RBMS3: variants seen among roughly 807,000 people sequenced by gnomAD.
RBMS3 encodes the protein RNA binding motif single stranded interacting protein 3.
Under a neutral mutation model 66.8 loss-of-function variants are expected in RBMS3, and 27 were observed. That is an observed-to-expected ratio of 0.40 (90% CI 0.30 to 0.56). The LOEUF is 0.56. Ranked by LOEUF, RBMS3 falls within the 20% of genes least tolerant of loss-of-function variation. The pLI, the probability that RBMS3 is intolerant of heterozygous loss-of-function variation, is 0.40. For missense variants in RBMS3, 513 were observed against 549.5 expected (o/e 0.93, Z 0.66); for synonymous variants, 188 against 183.0 (o/e 1.03, Z -0.22).
intron 6 of RBMS3, among the ~76,000 whole-genome samples, chr3:29,819,193 G>A (rs1455308748): frequency 2.0e-5 from 3 of 151,932 alleles, no homozygotes; most frequent in Admixed American, 6.6e-5. Flanking sequence ...GCCCTTGCAG[G>A]TTGTTATTTC....
intron 3 of RBMS3, among the ~76,000 whole-genome samples, chr3:29,530,754 C>T (rs1041449018): frequency 6.6e-6 from 1 of 151,192 alleles, no homozygotes; most frequent in African/African-American, 2.4e-5. Flanking sequence ...TGCCTGTAAT[C>T]CCAGCTACTC....
At chr3:29,532,205 A>G (rs2045376424) in intron 3 of RBMS3, among the ~76,000 whole-genome samples, 1 of 147,844 alleles carries the variant, frequency 6.8e-6, no homozygotes, top group African/African-American at 2.5e-5. Flanking sequence ...TGATCTATGT[A>G]TATATGATCT....
intron 1 of RBMS3, among the ~76,000 whole-genome samples, chr3:29,307,597 T>A (rs1032622477): frequency 2.6e-5 from 4 of 151,858 alleles, no homozygotes; most frequent in Non-Finnish European, 5.9e-5. Context: ...CAGTGCAAGG[T>A]GAAAGCCTGA....
At position 29,710,349 on chromosome 3, in the gene RBMS3, T is replaced by A. The variant is rs560511825; in HGVS notation, c.400-29371T>A. On this transcript the variant is annotated intron_variant, in intron 4 of 14. Transcript: ENST00000383767. ...ATATCAGTAATAATCACAGCTAAACTTCATTGCATATATTCTCTGCTCAGG... is the reference window on the plus strand; with the variant it reads ...ATATCAGTAATAATCACAGCTAAACATCATTGCATATATTCTCTGCTCAGG... 5.3e-5 allele frequency among the ~76,000 whole-genome samples: 8 copies of A among 152,270 alleles called. No individual in the cohort carries two copies. In the East Asian group the frequency reaches 1.5e-3, roughly 29 times the overall value.
intron 6 of RBMS3, among the ~76,000 whole-genome samples, chr3:29,839,796 T>TA (rs1483133273): frequency 6.6e-6 from 1 of 151,802 alleles, no homozygotes; most frequent in African/African-American, 2.4e-5. Flanking sequence ...GCAAATATTA[T>TA]AAAATAGTTA....
chr3:29,489,844 A>ACCAGCCTGGCCAACATGGTGAAAC (rs2043465480), intron 3 of RBMS3, among the ~76,000 whole-genome samples: 2 of 151,742 alleles, frequency 1.3e-5, no homozygotes, highest in African/African-American at 4.8e-5. Flanking sequence ...GGACTTTGAG[A>ACCAGCCTGGCCAACATGGTGAAAC]CCAGCCTGGC....
intron 6 of RBMS3, among the ~76,000 whole-genome samples, chr3:29,823,357 T>C (rs866224253): frequency 1.3e-5 from 2 of 152,212 alleles, no homozygotes; most frequent in African/African-American, 4.8e-5. Context: ...CTTATTTCAC[T>C]CAGAAATATG....
At chr3:29,562,692 G>A (rs1413623908) in intron 3 of RBMS3, among the ~76,000 whole-genome samples, 1 of 152,128 alleles carries the variant, frequency 6.6e-6, no homozygotes, top group Non-Finnish European at 1.5e-5. Flanking sequence ...ATTGCCTTCA[G>A]GGAGGATCTG....
intron 9 of RBMS3, among the ~76,000 whole-genome samples, chr3:29,897,863 A>G (rs909054979): frequency 1.3e-5 from 2 of 151,646 alleles, no homozygotes; most frequent in Non-Finnish European, 3.0e-5. Flanking sequence ...AGGATATTTT[A>G]TCACTGTCAT....
chr3:29,681,087 G>A (rs2051466825), intron 4 of RBMS3, among the ~76,000 whole-genome samples: 1 of 152,118 alleles, frequency 6.6e-6, no homozygotes, highest in African/African-American at 2.4e-5. Flanking sequence ...AGCTGTGGGG[G>A]CTGACATGTT....
intron 3 of RBMS3, among the ~76,000 whole-genome samples, chr3:29,564,291 A>G (rs1374412069): frequency 1.3e-5 from 2 of 152,076 alleles, no homozygotes; most frequent in African/African-American, 4.8e-5. Flanking sequence ...AGCCTGACCA[A>G]CATAGTGAAA....
At chr3:29,834,766 A>C (rs2058463065) in intron 6 of RBMS3, among the ~76,000 whole-genome samples, 1 of 152,066 alleles carries the variant, frequency 6.6e-6, no homozygotes, top group Non-Finnish European at 1.5e-5. Flanking sequence ...ACAAAAGGGC[A>C]ATAGTAAGTC....
In RBMS3 at chr3:29,358,807, A is replaced by G. The variant is rs1012256965; in HGVS notation, c.76-75936A>G. On this transcript the variant is annotated intron_variant, in intron 1 of 14. Transcript: ENST00000383767. ...CTAGGTATTTTATTCTCTTTGAAGCAATTGTGAATGGGAGTTCACTCATGA... is the reference window on the plus strand; with the variant it reads ...CTAGGTATTTTATTCTCTTTGAAGCGATTGTGAATGGGAGTTCACTCATGA... Among the ~76,000 whole-genome samples the G allele has an allele frequency of 4.5e-4, 69 of 152,118 alleles. 1 individual carries two copies. Among genetic ancestry groups the G allele is most frequent in the Non-Finnish European group, 3.8e-4 (26 of 68,020 alleles).
intron 1 of RBMS3, among the ~76,000 whole-genome samples, chr3:29,407,470 T>C (rs1285362205): frequency 6.6e-6 from 1 of 152,206 alleles, no homozygotes; most frequent in African/African-American, 2.4e-5. Flanking sequence ...TTGGTTAAAA[T>C]ATACATAGTC....
In RBMS3 at chr3:29,885,047, T is replaced by C. The variant is rs554379852; in HGVS notation, c.791+839T>C. On this transcript the variant is annotated intron_variant, in intron 8 of 14. Coordinates refer to ENST00000383767, the MANE Select transcript of RBMS3 (RefSeq NM_001003793.3). Reference sequence around the variant, plus strand: ...TTGCCTCTAAAGAAAATCTGTGGGATATTGAAAGTATTTAAATAATTACCT... The same window carrying C: ...TTGCCTCTAAAGAAAATCTGTGGGACATTGAAAGTATTTAAATAATTACCT... Among the ~76,000 whole-genome samples, 15 of 152,034 alleles carry C rather than the reference T, an allele frequency of 9.9e-5. No individual in the cohort carries two copies. The South Asian group carries it at 3.1e-3, about 32-fold the overall frequency.
At chr3:29,422,812 C>T (rs902781466) in intron 1 of RBMS3, among the ~76,000 whole-genome samples, 2 of 152,060 alleles carry the variant, frequency 1.3e-5, no homozygotes, top group African/African-American at 4.8e-5. Context: ...TGTATTAATT[C>T]CTGTCACATT....
At chr3:29,357,921 TTTGAG>T (rs907019078) in intron 1 of RBMS3, among the ~76,000 whole-genome samples, 1 of 152,168 alleles carries the variant, frequency 6.6e-6, no homozygotes, top group Non-Finnish European at 1.5e-5. Flanking sequence ...TGTAAATTTG[TTTGAG>T]TTATTTGTGG....
At chr3:29,410,988 A>G (rs574053384) in intron 1 of RBMS3, among the ~76,000 whole-genome samples, 1 of 151,530 alleles carries the variant, frequency 6.6e-6, no homozygotes, top group East Asian at 1.9e-4. Context: ...AAAAAGCAAC[A>G]CAACTACATG....
chr3:29,477,824 C>T (rs1055595613), intron 2 of RBMS3, among the ~76,000 whole-genome samples: 17 of 152,062 alleles, frequency 1.1e-4, no homozygotes, highest in Admixed American at 2.6e-4. Flanking sequence ...GGAGTGCAGT[C>T]GTGCAATCTC....
Sources: allele counts gnomAD v4.1 joint callset (sites outside exome capture counted in the v4.1 genomes callset), GRCh38; gene constraint gnomAD v4.1.1; transcripts MANE v1.5; gene names NCBI Gene and HGNC (gene_info 2026-07-23, HGNC 2026-07-21).